The following ZCWPW1 variants were observed in gnomAD, a reference collection of about 807,000 sequenced individuals.
ZCWPW1 encodes the protein zinc finger CW-type and PWWP domain containing 1.
ZCWPW1 carries 56 observed loss-of-function variants against 81.3 expected under a neutral mutation model. That is an observed-to-expected ratio of 0.69 (90% CI 0.56 to 0.86). The LOEUF (loss-of-function observed/expected upper bound fraction) is 0.86. Ranked by LOEUF, ZCWPW1 falls within the 40% of genes least tolerant of loss-of-function variation. The pLI is 0.00. For synonymous variants in ZCWPW1, 250 were observed against 273.7 expected (o/e 0.91, Z 0.86); for missense variants, 650 against 769.8 (o/e 0.84, Z 1.84).
chr7:100,414,755 G>A (rs536670159), intron 8 of ZCWPW1, among the ~76,000 whole-genome samples: 15 of 152,110 alleles, frequency 9.9e-5, no homozygotes, highest in Admixed American at 5.2e-4. Flanking sequence ...GGCTGGGCAC[G>A]GTGGCTTACA....
In ZCWPW1 at chr7:100,402,590, A is replaced by G. The variant is rs1177789876; in HGVS notation, c.1414-14T>C. 2 of 1,613,564 alleles carry G rather than the reference A, an allele frequency of 1.2e-6. No individual in the cohort carries two copies. The highest frequency in any genetic ancestry group is 1.7e-6 in the Non-Finnish European group (2 of 1,179,698). On this transcript the variant is annotated splice_polypyrimidine_tract_variant and intron_variant, in intron 15 of 17. Transcript: ENST00000684423. ...CAAAATTGGGTCCTGAGGATGGGAGAGAAAGTTTAAAAAAATGATAAATCA... is the reference window on the plus strand; with the variant it reads ...CAAAATTGGGTCCTGAGGATGGGAGGGAAAGTTTAAAAAAATGATAAATCA...
At chr7:100,414,415 CTATT>C (rs1437323665) in intron 8 of ZCWPW1, among the ~76,000 whole-genome samples, 3 of 151,960 alleles carry the variant, frequency 2.0e-5, no homozygotes, top group South Asian at 4.2e-4. Context: ...AGATTGTTGT[CTATT>C]TATTTAGTTT....
rs911836451 is a variant in ZCWPW1 at position 100,425,037 on chromosome 7, G to A, written c.-37C>T. 6.6e-6 allele frequency: 1 copy of A among 152,172 alleles called. No homozygotes were observed. Among genetic ancestry groups the A allele is most frequent in the African/African-American group, 2.4e-5 (1 of 41,446 alleles). The allele number at this position is 152,172 out of a possible 1,614,324, so 9.4% of individuals were successfully genotyped here. A position where few individuals can be genotyped will look rare whatever the true frequency, so the allele number is the denominator to read the frequency against. On this transcript the variant is annotated 5_prime_UTR_variant, in exon 2 of 18. Transcript: ENST00000684423. ...TCAAACAAAAGCTCTAACCTGATCAGTAAAGAAGGGAAGGCCAGGAAGTCA... is the reference window on the plus strand; with the variant it reads ...TCAAACAAAAGCTCTAACCTGATCAATAAAGAAGGGAAGGCCAGGAAGTCA...
chr7:100,406,880 G>C, intron 11 of ZCWPW1, 82 bp from the exon 12 acceptor site: 1 of 1,277,158 alleles, frequency 7.8e-7, no homozygotes, highest in Non-Finnish European at 1.1e-6. Flanking sequence ...CGGGAGAATG[G>C]GAATTCACCC....
chr7:100,416,439 G>A lies in ZCWPW1; in HGVS notation c.497C>T (p.Thr166Ile), dbSNP rs772728519. ...TTCCCAAGACACTGAAATCTCTTGA[G>A]TATGTGGTACCTCCTCTCTGAAAAT... ...DNANGEEVPH[T>I]QEISVSWEGE... The change falls in exon 7 of 18, where the codon ACT becomes ATT. Residue 166 changes from threonine to isoleucine, a missense_variant. Coordinates refer to ENST00000684423, the MANE Select transcript of ZCWPW1 (RefSeq NM_001386010.1). 1.2e-6 allele frequency: 2 copies of A among 1,614,130 alleles called. No individual in the cohort carries two copies. Among genetic ancestry groups the A allele is most frequent in the East Asian group, 2.2e-5 (1 of 44,882 alleles).
intron 1 of ZCWPW1, among the ~76,000 whole-genome samples, chr7:100,427,256 C>G (rs1294307290): frequency 3.4e-5 from 4 of 116,294 alleles, no homozygotes; most frequent in Non-Finnish European, 3.5e-5. Context: ...TCCCCCTTCC[C>G]TCCCTTGCTT....
In ZCWPW1 at chr7:100,416,437, G is replaced by C. The variant is rs1178646723; in HGVS notation, c.499C>G (p.Gln167Glu). 6.2e-7 allele frequency: 1 copy of C among 1,613,998 alleles called. No individual in the cohort carries two copies. The highest frequency in any genetic ancestry group is 8.5e-7 in the Non-Finnish European group (1 of 1,180,028). ...CCTTCCCAAGACACTGAAATCTCTT[G>C]AGTATGTGGTACCTCCTCTCTGAAA... ...NANGEEVPHT[Q>E]EISVSWEGEA... Residue 167 changes from glutamine to glutamate, a missense_variant, in exon 7 of 18, where the codon CAA becomes GAA. Coordinates refer to ENST00000684423, the MANE Select transcript of ZCWPW1 (RefSeq NM_001386010.1).
intron 8 of ZCWPW1, among the ~76,000 whole-genome samples, chr7:100,411,262 G>A (rs1386524629): frequency 6.6e-6 from 1 of 151,010 alleles, no homozygotes; most frequent in African/African-American, 2.4e-5. Flanking sequence ...GATCACTTTC[G>A]CAATTACTTT....
Position 100,419,631 on chromosome 7 carries a change from TTTTC to T in ZCWPW1, c.277_280del (p.Glu93ArgfsTer44). ...AGAGCCCACCACTATGACTGGTACC[TTTTC>T]TTTCTTCTCTGCTTGCTTGTTGATT... is the stretch of plus-strand genomic sequence containing the variant. On this transcript the variant is annotated frameshift_variant and splice_region_variant, in exon 4 of 18. Transcript: ENST00000684423. LOFTEE classifies it high-confidence loss of function. 6.2e-7 allele frequency: 1 copy of T among 1,609,156 alleles called. No homozygotes were observed. Among genetic ancestry groups the T allele is most frequent in the East Asian group, 2.2e-5 (1 of 44,856 alleles).
chr7:100,406,709 C>G lies in ZCWPW1; in HGVS notation c.1158G>C (p.Leu386=), dbSNP rs754255192. The change falls in exon 12 of 18, where the codon CTG becomes CTC. Residue 386 remains leucine, a synonymous_variant. Coordinates refer to ENST00000684423, the MANE Select transcript of ZCWPW1 (RefSeq NM_001386010.1). ...ATGTGCTCACCATGACTGATAGCTC[C>G]AGGGACAGCTCCTGGAAGTTCTTTA... ...NMLKNFQELS[L]ELSVMKKRRN... is the part of the protein sequence containing the mutation. The G allele has an allele frequency of 1.9e-6, 3 of 1,614,104 alleles. No individual in the cohort carries two copies. Among genetic ancestry groups the G allele is most frequent in the Non-Finnish European group, 2.5e-6 (3 of 1,179,978 alleles).
intron 13 of ZCWPW1, among the ~76,000 whole-genome samples, chr7:100,404,759 A>C (rs1231764984): frequency 2.0e-5 from 3 of 152,138 alleles, no homozygotes; most frequent in African/African-American, 7.2e-5. Context: ...TTTGTTTCTA[A>C]TTCAACAAAT....
At chr7:100,404,672 C>T (rs1792616991) in intron 13 of ZCWPW1, among the ~76,000 whole-genome samples, 1 of 152,120 alleles carries the variant, frequency 6.6e-6, no homozygotes, top group Admixed American at 6.6e-5. Flanking sequence ...ATTTTCCATA[C>T]TATTTTCACT....
At chr7:100,424,588 A>G (rs890296310) in intron 2 of ZCWPW1, among the ~76,000 whole-genome samples, 15 of 151,876 alleles carry the variant, frequency 9.9e-5, no homozygotes, top group Admixed American at 6.6e-5. Flanking sequence ...CAGCCTCCCG[A>G]GTAGCTGGGA....
chr7:100,410,037 G>C (rs923193526), intron 8 of ZCWPW1, among the ~76,000 whole-genome samples: 1 of 152,114 alleles, frequency 6.6e-6, no homozygotes, highest in Non-Finnish European at 1.5e-5. Flanking sequence ...GCAAACTTTA[G>C]GACCAACAGT....
intron 5 of ZCWPW1, among the ~76,000 whole-genome samples, chr7:100,417,994 C>T (rs558196356): frequency 5.5e-4 from 83 of 152,064 alleles, no homozygotes; most frequent in African/African-American, 1.8e-3. Context: ...AAGCGATTCT[C>T]GTGCCTCAGC....
chr7:100,409,579 A>T, intron 8 of ZCWPW1, 35 bp from the exon 9 acceptor site: 3 of 1,462,204 alleles, frequency 2.1e-6, no homozygotes, highest in Non-Finnish European at 2.9e-6. Flanking sequence ...AGAGACTTAA[A>T]AATATGCTCT....
intron 8 of ZCWPW1, 64 bp from the exon 9 acceptor site, chr7:100,409,608 A>G (rs1481372116): frequency 8.1e-7 from 1 of 1,234,844 alleles, no homozygotes; most frequent in African/African-American, 1.5e-5. Context: ...TAATCCAACT[A>G]AAATCAGGAT....
At chr7:100,408,680 T>C (rs765261922) in intron 9 of ZCWPW1, 21 bp from the exon 10 acceptor site, 1 of 1,609,630 alleles carries the variant, frequency 6.2e-7, no homozygotes, top group South Asian at 1.1e-5. Context: ...AGAGAAGGAA[T>C]GAAGGGACAG....
In ZCWPW1 at chr7:100,419,740, C is replaced by A. The variant is rs200020996; in HGVS notation, c.172G>T (p.Ala58Ser). 3.0e-5 allele frequency: 48 copies of A among 1,614,090 alleles called. No homozygotes were observed. Among genetic ancestry groups the A allele is most frequent in the Non-Finnish European group, 3.6e-5 (43 of 1,180,034 alleles). The stretch of plus-strand genomic sequence containing the variant: ...TTTTCCTCTTTCTTCTTTAAACTGG[C>A]CTTTGGCAGGCTTATCCTGGCCTCT... Reference protein sequence around the residue: ...ETEARISLPKASLKKKEEKAT... With the variant: ...ETEARISLPKSSLKKKEEKAT... Residue 58 changes from alanine (A) to serine (S), a missense_variant, in exon 4 of 18, where the codon GCC becomes TCC. Coordinates refer to ENST00000684423, the MANE Select transcript of ZCWPW1 (RefSeq NM_001386010.1).
Sources: allele counts gnomAD v4.1 joint callset (sites outside exome capture counted in the v4.1 genomes callset), GRCh38; gene constraint gnomAD v4.1.1; transcripts MANE v1.5; gene names NCBI Gene and HGNC (gene_info 2026-07-23, HGNC 2026-07-21).